CCDC15: variants seen among roughly 807,000 people sequenced by gnomAD.
CCDC15 encodes coiled-coil domain-containing protein 15.
CCDC15 carries 105 observed loss-of-function variants against 114.5 expected under a neutral mutation model. That is an observed-to-expected ratio of 0.92 (90% CI 0.78 to 1.08). The LOEUF is 1.08. Among genes scored for constraint, CCDC15 ranks in the 50% least tolerant of loss-of-function variants. CCDC15 has a pLI of 0.00. For synonymous variants in CCDC15, 334 were observed against 377.8 expected, an observed-to-expected ratio of 0.88 and a Z score of 1.34; for missense variants, 1,105 against 1,093.6, an observed-to-expected ratio of 1.01 and a Z score of -0.15.
chr11:124,985,692 A>G (rs755327048), intron 6 of CCDC15, among the ~76,000 whole-genome samples: 20 of 151,082 alleles, frequency 1.3e-4, no homozygotes, highest in Non-Finnish European at 2.5e-4. Flanking sequence ...TTTTATTATC[A>G]AATTGTTAAG....
At position 125,038,450 on chromosome 11, in the gene CCDC15, C is replaced by A; in HGVS notation, c.2431C>A (p.Gln811Lys). 2.0e-6 allele frequency: 3 copies of A among 1,518,844 alleles called. No individual in the cohort carries two copies. The highest frequency in any genetic ancestry group is 2.6e-6 in the Non-Finnish European group (3 of 1,136,590). The allele number at this position is 1,518,844 out of a possible 1,614,324, so 94.1% of individuals were successfully genotyped here. ...KIEKIKKKRE[Q>K]ECYAAEQRIL... ...TTTCAGAATTAAGAAAAAGAGAGAG[C>A]AAGAATGTTATGCTGCAGAGCAGAG... The change falls in exon 14 of 16, where the codon CAA becomes AAA. Residue 811 changes from glutamine (Q) to lysine (K), a missense_variant. Transcript: ENST00000344762.
chr11:124,966,077 G>C, intron 4 of CCDC15, among the ~76,000 whole-genome samples: 1 of 152,078 alleles, frequency 6.6e-6, no homozygotes, highest in Non-Finnish European at 1.5e-5. Flanking sequence ...GGTCAATTTT[G>C]GAATAAGTGC....
At chr11:124,968,445 T>C (rs1947822268) in intron 4 of CCDC15, among the ~76,000 whole-genome samples, 1 of 152,102 alleles carries the variant, frequency 6.6e-6, no homozygotes. Context: ...GCTCTGTGGG[T>C]GTGGGACCTG....
At chr11:124,977,125 G>A (rs1449709776) in intron 5 of CCDC15, among the ~76,000 whole-genome samples, 9 of 152,084 alleles carry the variant, frequency 5.9e-5, no homozygotes, top group Non-Finnish European at 4.4e-5. Context: ...ATTAGAATCT[G>A]TCTGGTTGTT....
At chr11:125,008,329 C>T (rs757135382) in intron 13 of CCDC15, among the ~76,000 whole-genome samples, 17 of 152,298 alleles carry the variant, frequency 1.1e-4, no homozygotes, top group Non-Finnish European at 1.8e-4. Flanking sequence ...TCCACCCGTT[C>T]ATTGCTGGTA....
At chr11:124,998,163 C>T (rs1948406809) in intron 11 of CCDC15, among the ~76,000 whole-genome samples, 1 of 152,070 alleles carries the variant, frequency 6.6e-6, no homozygotes, top group African/African-American at 2.4e-5. Flanking sequence ...CTTCTTGTTG[C>T]CCCCCAGAGA....
chr11:124,963,755 C>T (rs1292748133), intron 4 of CCDC15, among the ~76,000 whole-genome samples: 1 of 152,178 alleles, frequency 6.6e-6, no homozygotes, highest in East Asian at 1.9e-4. Context: ...AGGTTTTCAT[C>T]TAGAGTTTTT....
At chr11:124,994,811 T>C (rs112900035) in intron 11 of CCDC15, among the ~76,000 whole-genome samples, 8 of 152,344 alleles carry the variant, frequency 5.3e-5, no homozygotes, top group South Asian at 4.1e-4. Context: ...AACTGAAGTT[T>C]AGTTTATTAT....
chr11:124,986,436 A>G (rs189799995), intron 6 of CCDC15, among the ~76,000 whole-genome samples: 1 of 152,330 alleles, frequency 6.6e-6, no homozygotes, highest in African/African-American at 2.4e-5. Context: ...GAGAAATATT[A>G]CCATCTTACC....
At chr11:124,981,954 T>A (rs1948079717) in intron 6 of CCDC15, among the ~76,000 whole-genome samples, 1 of 152,192 alleles carries the variant, frequency 6.6e-6, no homozygotes, top group African/African-American at 2.4e-5. Flanking sequence ...GAACTTGCTT[T>A]ATGAATCTGG....
In CCDC15 at chr11:125,040,578, C is replaced by CT; in HGVS notation, c.2735-5dup. 3 of 1,597,114 alleles carry CT rather than the reference C, an allele frequency of 1.9e-6. No homozygotes were observed. Among genetic ancestry groups the CT allele is most frequent in the Non-Finnish European group, 2.6e-6 (3 of 1,171,030 alleles). The stretch of plus-strand genomic sequence containing the variant: ...TGACTTTATTCATTGCTGTGCAAAC[C>CT]TTTTTTTGCAGCATATACTCGGGCA... On this transcript the variant is annotated splice_polypyrimidine_tract_variant and intron_variant, in intron 15 of 15. Transcript: ENST00000344762.
intron 13 of CCDC15, among the ~76,000 whole-genome samples, chr11:125,027,569 C>T (rs1479017790): frequency 1.3e-5 from 2 of 150,662 alleles, no homozygotes; most frequent in Non-Finnish European, 1.5e-5. Flanking sequence ...GCCCTTTGCC[C>T]GCTTTTTGAT....
intron 2 of CCDC15, among the ~76,000 whole-genome samples, chr11:124,956,275 T>C (rs1947547135): frequency 6.6e-6 from 1 of 152,154 alleles, no homozygotes; most frequent in African/African-American, 2.4e-5. Flanking sequence ...ATTATAATAA[T>C]TTAAGCATGG....
intron 4 of CCDC15, among the ~76,000 whole-genome samples, chr11:124,969,837 A>G: frequency 6.6e-6 from 1 of 152,218 alleles, no homozygotes; most frequent in Admixed American, 6.5e-5. Flanking sequence ...CCTTTGAGGA[A>G]TGCAACTGGA....
chr11:124,959,091 A>AT (rs1232080133), intron 2 of CCDC15, 24 bp from the exon 3 acceptor site: 28 of 1,511,522 alleles, frequency 1.9e-5, no homozygotes, highest in Non-Finnish European at 2.4e-5. Flanking sequence ...ATTTAAGTTC[A>AT]TTTTCTGTCT....
chr11:125,002,148 A>C (rs1211325929), intron 11 of CCDC15, among the ~76,000 whole-genome samples: 2 of 152,108 alleles, frequency 1.3e-5, no homozygotes, highest in Non-Finnish European at 1.5e-5. Flanking sequence ...TATTTTCCTG[A>C]TAGCTAATGA....
At position 125,015,281 on chromosome 11, in the gene CCDC15, A is replaced by C. The variant is rs190243558; in HGVS notation, c.2411+10069A>C. On this transcript the variant is annotated intron_variant, in intron 13 of 15. Transcript: ENST00000344762. ...GTGAAATATAAAACAAATGTATAAC[A>C]GAGGAAATCAAAGACAAAAGTTGGT... Among the ~76,000 whole-genome samples the C allele has an allele frequency of 1.2e-4, 19 of 152,278 alleles. No homozygotes were observed. In the East Asian group the frequency reaches 3.5e-3, roughly 28 times the overall value.
intron 13 of CCDC15, among the ~76,000 whole-genome samples, chr11:125,006,732 G>C (rs1196575498): frequency 6.7e-6 from 1 of 148,522 alleles, no homozygotes; most frequent in African/African-American, 2.5e-5. Context: ...TTTTTTTTTT[G>C]CATGTGGATG....
At chr11:124,970,558 A>G (rs1947861577) in intron 4 of CCDC15, among the ~76,000 whole-genome samples, 1 of 152,248 alleles carries the variant, frequency 6.6e-6, no homozygotes, top group Non-Finnish European at 1.5e-5. Context: ...GGCCTTAACA[A>G]TACACTTTAC....
Sources: gnomAD v4.1 joint callset for allele counts (sites outside exome capture counted in the v4.1 genomes callset) on GRCh38, gnomAD v4.1.1 for gene constraint, MANE v1.5 for transcripts, NCBI Gene and HGNC (gene_info 2026-07-23, HGNC 2026-07-21) for gene names.